LINGO1: variants seen among roughly 807,000 people sequenced by gnomAD.
LINGO1 encodes leucine rich repeat and Ig domain containing 1, also known as leucine-rich repeat and immunoglobulin-like domain-containing nogo receptor-interacting protein 1.
LINGO1 carries 11 observed loss-of-function variants against 37.3 expected under a neutral mutation model. That is an observed-to-expected ratio of 0.29 (90% confidence interval 0.19 to 0.49). The LOEUF (loss-of-function observed/expected upper bound fraction) is 0.49. LINGO1 is among the 20% of genes least tolerant of loss of function. The probability of loss-of-function intolerance (pLI) is 0.99; values close to 1 mark genes in which losing one functional copy is unlikely to be tolerated. For synonymous variants in LINGO1, 387 were observed against 403.0 expected, an observed-to-expected ratio of 0.96 and a Z score of 0.48; for missense variants, 585 against 878.2, an observed-to-expected ratio of 0.67 and a Z score of 4.22.
In LINGO1 at chr15:77,752,359, C is replaced by T. The variant is rs529835184; in HGVS notation, c.-256-17306G>A. Among the ~76,000 whole-genome samples, 5 of 152,340 alleles carry T rather than the reference C, an allele frequency of 3.3e-5. No homozygotes were observed. The South Asian group carries it at 1.0e-3, about 32-fold the overall frequency. On this transcript the variant is annotated intron_variant, in intron 1 of 3. Transcript: ENST00000561686. ...TAATTAGCAAAGGCTTTCTCCTTTC[C>T]TTGGTGAAGACATTATTTCATCATC... is the stretch of plus-strand genomic sequence containing the variant.
At chr15:77,732,735 G>A (rs1453640668) in intron 2 of LINGO1, among the ~76,000 whole-genome samples, 1 of 152,244 alleles carries the variant, frequency 6.6e-6, no homozygotes, top group Non-Finnish European at 1.5e-5. Context: ...TCCCTGCTCT[G>A]CACTCGGACA....
intron 1 of LINGO1, among the ~76,000 whole-genome samples, chr15:77,747,793 C>T (rs947011329): frequency 6.6e-6 from 1 of 152,014 alleles, no homozygotes; most frequent in Admixed American, 6.5e-5. Flanking sequence ...CGCTGGGGTT[C>T]GGAGGCATTA....
upstream of LINGO1, among the ~76,000 whole-genome samples, chr15:77,638,114 A>G (rs2141099814): frequency 6.6e-6 from 1 of 152,370 alleles, no homozygotes; most frequent in South Asian, 2.1e-4. Context: ...GCTCTTGGAG[A>G]ACTCAAGACA....
intron 1 of LINGO1, among the ~76,000 whole-genome samples, chr15:77,742,459 G>C (rs1049823522): frequency 5.9e-5 from 9 of 152,196 alleles, no homozygotes; most frequent in African/African-American, 2.2e-4. Flanking sequence ...CCCCTTTCCA[G>C]AGGGGAAACT....
At chr15:77,806,632 G>A (rs1056096079) in intron 1 of LINGO1, among the ~76,000 whole-genome samples, 2 of 152,112 alleles carry the variant, frequency 1.3e-5, no homozygotes, top group African/African-American at 4.8e-5. Flanking sequence ...AAAAGAGAAT[G>A]AAGCAAACCC....
At chr15:77,764,352 A>G (rs986981052) in intron 1 of LINGO1, among the ~76,000 whole-genome samples, 3 of 152,230 alleles carry the variant, frequency 2.0e-5, no homozygotes, top group East Asian at 1.9e-4. Flanking sequence ...CTTTGTTACC[A>G]TTTAAATCAT....
intron 3 of LINGO1, among the ~76,000 whole-genome samples, chr15:77,658,383 C>T (rs1416028562): frequency 2.6e-5 from 4 of 152,224 alleles, no homozygotes; most frequent in Admixed American, 2.0e-4. Context: ...ACACACTTCA[C>T]CCATTCGCTC....
chr15:77,721,870 C>T (rs141268980), intron 2 of LINGO1, among the ~76,000 whole-genome samples: 1 of 152,210 alleles, frequency 6.6e-6, no homozygotes, highest in African/African-American at 2.4e-5. Flanking sequence ...TTCCCCTGCC[C>T]CCTAATTATG....
rs183493992 is a variant in LINGO1 at position 77,763,520 on chromosome 15, C to A, written c.-257+23349G>T. Among the ~76,000 whole-genome samples the A allele has an allele frequency of 3.9e-4, 60 of 152,274 alleles. No homozygotes were observed. In the East Asian group the frequency reaches 0.012, roughly 29 times the overall value. On this transcript the variant is annotated intron_variant, in intron 1 of 3. Transcript: ENST00000561686. ...ACCACTGCAGGCTTTGCCCACCCCC[C>A]ACTGACTGACCCTCGAATATGTCCC...
intron 3 of LINGO1, among the ~76,000 whole-genome samples, chr15:77,658,712 C>T (rs1231887306): frequency 6.6e-6 from 1 of 152,232 alleles, no homozygotes; most frequent in Non-Finnish European, 1.5e-5. Flanking sequence ...GGAGACACCT[C>T]GGTTCTGGGC....
chr15:77,719,418 C>T (rs1364314950), intron 2 of LINGO1, among the ~76,000 whole-genome samples: 9 of 149,962 alleles, frequency 6.0e-5, no homozygotes. Context: ...CATCCCCCGC[C>T]TCCACCCTCA....
intron 1 of LINGO1, among the ~76,000 whole-genome samples, chr15:77,744,793 T>C (rs1353253127): frequency 6.6e-6 from 1 of 152,064 alleles, no homozygotes; most frequent in Non-Finnish European, 1.5e-5. Context: ...TCCAGAGGCC[T>C]CACCCTTAAC....
intron 1 of LINGO1, among the ~76,000 whole-genome samples, chr15:77,692,655 G>C (rs371128745): frequency 2.6e-5 from 4 of 152,102 alleles, no homozygotes; most frequent in Non-Finnish European, 2.9e-5. Context: ...CCAATTTCCC[G>C]ACCTGGGACC....
In LINGO1 at chr15:77,613,831, T is replaced by C. The variant is rs965049683; in HGVS notation, c.*213A>G. 7 of 579,858 alleles carry C rather than the reference T, an allele frequency of 1.2e-5. No homozygotes were observed. The South Asian group carries it at 1.5e-4, about 13-fold the overall frequency. The allele number at this position is 579,858 out of a possible 1,614,324, so 35.9% of individuals were successfully genotyped here. A position where few individuals can be genotyped will look rare whatever the true frequency, so the allele number is the denominator to read the frequency against. On this transcript the variant is annotated 3_prime_UTR_variant, in exon 2 of 2. Transcript: ENST00000355300. ...CAGTCTGTCAATGCCCCTGTGTAGG[T>C]GGGGTCCCCAGGTCTGGGCTTCTGA...
chr15:77,802,640 C>G (rs1567592624), intron 1 of LINGO1, among the ~76,000 whole-genome samples: 2 of 152,114 alleles, frequency 1.3e-5, no homozygotes, highest in South Asian at 2.1e-4. Context: ...TTGCACAGCT[C>G]GTGTTCCACC....
chr15:77,765,922 T>C (rs1238762070), intron 1 of LINGO1, among the ~76,000 whole-genome samples: 1 of 152,076 alleles, frequency 6.6e-6, no homozygotes, highest in African/African-American at 2.4e-5. Context: ...CACTCCTAAA[T>C]AGAAACAACC....
chr15:77,669,612 C>A (rs1193271327), intron 3 of LINGO1, among the ~76,000 whole-genome samples: 3 of 152,228 alleles, frequency 2.0e-5, no homozygotes, highest in Non-Finnish European at 4.4e-5. Flanking sequence ...CCAGGAAGCC[C>A]TCTGGGACTG....
chr15:77,770,972 C>T (rs552060425), intron 1 of LINGO1, among the ~76,000 whole-genome samples: 3 of 152,352 alleles, frequency 2.0e-5, no homozygotes, highest in African/African-American at 7.2e-5. Context: ...CTTCTCGGGG[C>T]TCAAATCACT....
At chr15:77,818,692 A>G (rs554601760) in intron 1 of LINGO1, among the ~76,000 whole-genome samples, 2 of 152,178 alleles carry the variant, frequency 1.3e-5, no homozygotes, top group African/African-American at 4.8e-5. Context: ...TCCTGCCTGC[A>G]AAGACATCCC....
Sources: gnomAD v4.1 joint callset for allele counts (sites outside exome capture counted in the v4.1 genomes callset) on GRCh38, gnomAD v4.1.1 for gene constraint, MANE v1.5 for transcripts, NCBI Gene and HGNC (gene_info 2026-07-23, HGNC 2026-07-21) for gene names.